The following CHN1 variants were observed in gnomAD, a reference collection of about 807,000 sequenced individuals.
The protein encoded by CHN1 is N-chimaerin.
A neutral mutation model predicts 59.5 loss-of-function variants in CHN1; 37 were observed. The ratio of observed to expected loss-of-function variants is 0.62; its 90% confidence interval spans 0.48 to 0.82. CHN1 has a LOEUF of 0.82. Among genes scored for constraint, CHN1 ranks in the 40% least tolerant of loss-of-function variants. The pLI is 0.00. For synonymous variants in CHN1, 206 were observed against 200.4 expected (o/e 1.03, Z -0.24); for missense variants, 469 against 571.0 (o/e 0.82, Z 1.82).
intron 5 of CHN1, among the ~76,000 whole-genome samples, chr2:174,887,523 A>G (rs1295061333): frequency 6.6e-6 from 1 of 152,198 alleles, no homozygotes; most frequent in Non-Finnish European, 1.5e-5. Flanking sequence ...TCTTATAGAT[A>G]AGGAAACTGA....
chr2:174,819,591 A>C (rs1403108990), intron 8 of CHN1, among the ~76,000 whole-genome samples: 1 of 152,198 alleles, frequency 6.6e-6, no homozygotes, highest in African/African-American at 2.4e-5. Context: ...CTATAAGCTT[A>C]CTTTTCATAA....
chr2:174,973,874 C>A (rs575468200), intron 1 of CHN1, among the ~76,000 whole-genome samples: 1 of 152,192 alleles, frequency 6.6e-6, no homozygotes, highest in African/African-American at 2.4e-5. Flanking sequence ...AAGTATCTGA[C>A]ATTAAGGAAA....
At chr2:174,978,657 T>C (rs1461149958) in intron 1 of CHN1, among the ~76,000 whole-genome samples, 1 of 152,258 alleles carries the variant, frequency 6.6e-6, no homozygotes, top group Non-Finnish European at 1.5e-5. Context: ...TCTAGTTTAT[T>C]GTTATTTCTG....
intron 7 of CHN1, among the ~76,000 whole-genome samples, chr2:174,839,284 T>C (rs2605294): frequency 0.015 from 2,211 of 152,242 alleles, 52 homozygotes; most frequent in African/African-American, 0.05. Context: ...GTTTTTCCTA[T>C]GCGTTTATAT....
At chr2:174,805,593 T>C (rs568819261) in intron 11 of CHN1, among the ~76,000 whole-genome samples, 3 of 152,178 alleles carry the variant, frequency 2.0e-5, no homozygotes, top group South Asian at 2.1e-4. Flanking sequence ...AGGAGAAAGA[T>C]GGTCTGCAGC....
chr2:174,916,458 T>C (rs1688851635), intron 4 of CHN1, among the ~76,000 whole-genome samples: 1 of 152,196 alleles, frequency 6.6e-6, no homozygotes, highest in African/African-American at 2.4e-5. Context: ...CTACAATAAC[T>C]GCAATGACTC....
chr2:174,827,446 A>G (rs1685726491), intron 7 of CHN1, among the ~76,000 whole-genome samples: 1 of 152,196 alleles, frequency 6.6e-6, no homozygotes, highest in Non-Finnish European at 1.5e-5. Context: ...GGCATGAGAG[A>G]AACAATGTGG....
intron 3 of CHN1, among the ~76,000 whole-genome samples, chr2:174,929,537 C>T (rs1416149314): frequency 6.6e-6 from 1 of 151,774 alleles, no homozygotes; most frequent in African/African-American, 2.4e-5. Context: ...GAGATCATGC[C>T]ACTGCACTCC....
chr2:174,809,550 G>A lies in CHN1; in HGVS notation c.965-508C>T, dbSNP rs149521787. Among the ~76,000 whole-genome samples, 40 of 152,184 alleles carry A rather than the reference G, an allele frequency of 2.6e-4. No individual in the cohort carries two copies. The East Asian group carries it at 7.1e-3, about 27-fold the overall frequency. On this transcript the variant is annotated intron_variant, in intron 10 of 12. Coordinates refer to ENST00000409900, the MANE Select transcript of CHN1 (RefSeq NM_001822.7). ...AGGGGCCTAAAAGAGTAACATGCCG[G>A]GGCTTACTATGTACGTTGTTATTAA...
intron 1 of CHN1, among the ~76,000 whole-genome samples, chr2:174,969,615 G>A (rs781767779): frequency 3.3e-5 from 5 of 151,970 alleles, no homozygotes; most frequent in African/African-American, 1.2e-4. Context: ...AGTTTGCTCC[G>A]TCACCTACTT....
chr2:174,825,341 T>G (rs1685650911), intron 7 of CHN1, among the ~76,000 whole-genome samples: 1 of 152,222 alleles, frequency 6.6e-6, no homozygotes, highest in South Asian at 2.1e-4. Flanking sequence ...TGATATTTAT[T>G]ATGTTAGCAA....
intron 5 of CHN1, among the ~76,000 whole-genome samples, chr2:174,887,782 G>GA (rs1232957133): frequency 6.6e-6 from 1 of 152,298 alleles, no homozygotes; most frequent in East Asian, 1.9e-4. Flanking sequence ...TAAACGGAAT[G>GA]AAAAATAGAT....
At chr2:174,817,632 T>A (rs910185427) in intron 8 of CHN1, among the ~76,000 whole-genome samples, 1 of 150,604 alleles carries the variant, frequency 6.6e-6, no homozygotes, top group East Asian at 1.9e-4. Flanking sequence ...CAGCTGATTT[T>A]TTTTTCTTTT....
At position 174,944,884 on chromosome 2, in the gene CHN1, C is replaced by T; in HGVS notation, c.114+4G>A. ...TTTTTTGGTAGCAGTTTCATTACAC[C>T]CACCTCGCAAGTACAGGTAATTCTT... is the stretch of plus-strand genomic sequence containing the variant. On this transcript the variant is annotated splice_donor_region_variant and intron_variant, in intron 3 of 12. Transcript: ENST00000409900. The T allele has an allele frequency of 1.3e-6, 2 of 1,576,764 alleles. No individual in the cohort carries two copies. Among genetic ancestry groups the T allele is most frequent in the South Asian group, 1.2e-5 (1 of 85,202 alleles).
At chr2:175,001,976 A>C (rs1368497532) in intron 1 of CHN1, among the ~76,000 whole-genome samples, 3 of 152,214 alleles carry the variant, frequency 2.0e-5, no homozygotes, top group East Asian at 1.9e-4. Flanking sequence ...CCTATACGGA[A>C]TTAGTTAATA....
intron 1 of CHN1, among the ~76,000 whole-genome samples, chr2:174,980,332 A>C (rs1371014154): frequency 1.3e-5 from 2 of 152,176 alleles, no homozygotes; most frequent in Non-Finnish European, 2.9e-5. Flanking sequence ...CCCACATAGC[A>C]GTTTAATTTC....
At chr2:174,835,729 A>G (rs916516856) in intron 7 of CHN1, among the ~76,000 whole-genome samples, 1 of 151,874 alleles carries the variant, frequency 6.6e-6, no homozygotes. Context: ...TAGAGATTCA[A>G]TTTGGATTTT....
chr2:174,846,873 T>C lies in CHN1; in HGVS notation c.627+7A>G, dbSNP rs1686534689. On this transcript the variant is annotated splice_region_variant and intron_variant, in intron 7 of 12. Transcript: ENST00000409900. Reference sequence around the variant, plus strand: ...TTTCTTAAAAGACTAAAAGCAAATATTCTTACCTTGAAATTGTGAATCTTT... The same window carrying C: ...TTTCTTAAAAGACTAAAAGCAAATACTCTTACCTTGAAATTGTGAATCTTT... 6.5e-7 allele frequency: 1 copy of C among 1,547,358 alleles called. No homozygotes were observed. The highest frequency in any genetic ancestry group is 1.4e-5 in the African/African-American group (1 of 72,796).
intron 3 of CHN1, among the ~76,000 whole-genome samples, chr2:174,937,816 T>G (rs1386749583): frequency 6.6e-6 from 1 of 152,098 alleles, no homozygotes; most frequent in Non-Finnish European, 1.5e-5. Context: ...TCAGTTACCA[T>G]GTGATATGCC....
Sources: gnomAD v4.1 joint callset for allele counts (sites outside exome capture counted in the v4.1 genomes callset) on GRCh38, gnomAD v4.1.1 for gene constraint, MANE v1.5 for transcripts, NCBI Gene and HGNC (gene_info 2026-07-23, HGNC 2026-07-21) for gene names.